The following TMEM178B variants were observed in gnomAD, a reference collection of about 807,000 sequenced individuals.
TMEM178B encodes the protein transmembrane protein 178B.
A neutral mutation model predicts 31.0 loss-of-function variants in TMEM178B; 5 were observed. The ratio of observed to expected loss-of-function variants is 0.16; its 90% confidence interval spans 0.08 to 0.34. TMEM178B has a LOEUF of 0.34. TMEM178B is among the 10% of genes least tolerant of loss of function. The pLI is 1.00. For synonymous variants in TMEM178B, 164 were observed against 164.0 expected (o/e 1.00, Z 0.00); for missense variants, 275 against 400.3 (o/e 0.69, Z 2.67).
At chr7:141,176,915 A>AT (rs962092054) in intron 1 of TMEM178B, among the ~76,000 whole-genome samples, 4 of 151,904 alleles carry the variant, frequency 2.6e-5, no homozygotes, top group South Asian at 4.2e-4. Context: ...GGATTCATTG[A>AT]TTTTTTTGAA....
At chr7:141,226,037 C>T (rs375261799) in intron 2 of TMEM178B, among the ~76,000 whole-genome samples, 37 of 152,256 alleles carry the variant, frequency 2.4e-4, no homozygotes, top group African/African-American at 8.2e-4. Context: ...TCCGAAACCA[C>T]GAGGCTGCTA....
At chr7:141,230,109 C>G (rs954103645) in intron 2 of TMEM178B, among the ~76,000 whole-genome samples, 1 of 152,094 alleles carries the variant, frequency 6.6e-6, no homozygotes, top group African/African-American at 2.4e-5. Flanking sequence ...AACCTTTCTT[C>G]TAAAGTTAAA....
At chr7:141,446,432 A>C (rs1801759629) in intron 3 of TMEM178B, among the ~76,000 whole-genome samples, 1 of 152,222 alleles carries the variant, frequency 6.6e-6, no homozygotes, top group Non-Finnish European at 1.5e-5. Context: ...GGCTTTCTGG[A>C]TGGAAATGCT....
intron 1 of TMEM178B, among the ~76,000 whole-genome samples, chr7:141,163,041 G>A (rs144608055): frequency 1.7e-4 from 26 of 152,326 alleles, no homozygotes; most frequent in Non-Finnish European, 3.2e-4. Flanking sequence ...CAAAGCCTCC[G>A]TGGCTTACAA....
At chr7:141,268,835 C>T (rs1328236161) in intron 2 of TMEM178B, among the ~76,000 whole-genome samples, 1 of 152,202 alleles carries the variant, frequency 6.6e-6, no homozygotes, top group Non-Finnish European at 1.5e-5. Flanking sequence ...ATACTCAAGG[C>T]CCTTTGCTTA....
chr7:141,090,824 G>A (rs1794869081), intron 1 of TMEM178B, among the ~76,000 whole-genome samples: 1 of 152,156 alleles, frequency 6.6e-6, no homozygotes, highest in South Asian at 2.1e-4. Context: ...ATGTGAGAGA[G>A]TTTCACTCCT....
intron 2 of TMEM178B, among the ~76,000 whole-genome samples, chr7:141,383,293 T>C (rs1227505569): frequency 6.6e-6 from 1 of 152,026 alleles, no homozygotes; most frequent in East Asian, 1.9e-4. Flanking sequence ...TATGTATACA[T>C]GTGCCATGTT....
intron 2 of TMEM178B, among the ~76,000 whole-genome samples, chr7:141,235,452 C>T (rs1040764427): frequency 6.6e-6 from 1 of 152,150 alleles, no homozygotes; most frequent in East Asian, 1.9e-4. Flanking sequence ...GAATTTATAA[C>T]CGTCAATAAA....
intron 1 of TMEM178B, among the ~76,000 whole-genome samples, chr7:141,205,121 C>T (rs542949753): frequency 6.6e-6 from 1 of 152,230 alleles, no homozygotes; most frequent in South Asian, 2.1e-4. Flanking sequence ...CATGGCACTT[C>T]GACTGATTTC....
intron 1 of TMEM178B, among the ~76,000 whole-genome samples, chr7:141,091,752 G>A (rs1398144791): frequency 2.0e-5 from 3 of 152,178 alleles, no homozygotes; most frequent in Admixed American, 2.0e-4. Context: ...TTTAGAGACG[G>A]AGTCTTGCTC....
chr7:141,388,417 T>A (rs1383049474), intron 2 of TMEM178B, among the ~76,000 whole-genome samples: 1 of 152,240 alleles, frequency 6.6e-6, no homozygotes, highest in African/African-American at 2.4e-5. Context: ...CACTAAAGAT[T>A]GATCTACTTT....
At chr7:141,482,747 A>T (rs528729955), downstream of TMEM178B, among the ~76,000 whole-genome samples, 1 of 152,344 alleles carries the variant, frequency 6.6e-6, no homozygotes, top group African/African-American at 2.4e-5. Context: ...CACATAGGGC[A>T]GGGTTCAGGG....
In TMEM178B at chr7:141,318,561, T is replaced by C. The variant is rs139442680; in HGVS notation, c.496+105857T>C. ...CACTCAATGAGAAATAAAGATGTATTGGAGACTAAAATATTCCTCATCTCT... is the reference window on the plus strand; with the variant it reads ...CACTCAATGAGAAATAAAGATGTATCGGAGACTAAAATATTCCTCATCTCT... On this transcript the variant is annotated intron_variant, in intron 2 of 3. Transcript: ENST00000565468. The surrounding 1 kb of genome is among the most constrained non-coding windows in gnomAD (Gnocchi z 4.1). 5.9e-4 allele frequency among the ~76,000 whole-genome samples: 90 copies of C among 152,324 alleles called. No individual in the cohort carries two copies. The highest frequency in any genetic ancestry group is 1.1e-3 in the Non-Finnish European group (75 of 68,020).
chr7:141,115,833 G>C (rs1214102839), intron 1 of TMEM178B, among the ~76,000 whole-genome samples: 4 of 152,162 alleles, frequency 2.6e-5, no homozygotes, highest in Non-Finnish European at 5.9e-5. Flanking sequence ...AGTTGACTTA[G>C]ATTATTTTTA....
At chr7:141,338,504 CTATT>C (rs1386577850) in intron 2 of TMEM178B, among the ~76,000 whole-genome samples, 1 of 152,154 alleles carries the variant, frequency 6.6e-6, no homozygotes, top group Admixed American at 6.5e-5. Flanking sequence ...TGCCTGCCCT[CTATT>C]TGATATTGGA....
At chr7:141,083,340 A>G (rs559230309) in intron 1 of TMEM178B, among the ~76,000 whole-genome samples, 2 of 152,332 alleles carry the variant, frequency 1.3e-5, no homozygotes, top group South Asian at 2.1e-4. Flanking sequence ...TTTAGATTCT[A>G]TAAACTCCAA....
chr7:141,384,387 AT>A (rs1800391608), intron 2 of TMEM178B, among the ~76,000 whole-genome samples: 1 of 152,158 alleles, frequency 6.6e-6, no homozygotes, highest in Non-Finnish European at 1.5e-5. Context: ...TCTTGAATTA[AT>A]TTTTGTATAA....
chr7:141,219,270 C>T (rs1031184388), intron 2 of TMEM178B, among the ~76,000 whole-genome samples: 13 of 152,088 alleles, frequency 8.5e-5, no homozygotes, highest in African/African-American at 3.1e-4. Flanking sequence ...CCAGTAGGGT[C>T]CCTCCAGCTA....
chr7:141,242,870 C>G (rs1797650845), intron 2 of TMEM178B, among the ~76,000 whole-genome samples: 1 of 152,092 alleles, frequency 6.6e-6, no homozygotes, highest in Non-Finnish European at 1.5e-5. Context: ...ATTCCAGCTG[C>G]TGTCTCTCTG....
Sources: gnomAD v4.1 joint callset for allele counts (sites outside exome capture counted in the v4.1 genomes callset) on GRCh38, gnomAD v4.1.1 for gene constraint, Gnocchi (gnomAD v3.1) non-coding constraint, MANE v1.5 for transcripts, NCBI Gene and HGNC (gene_info 2026-07-23, HGNC 2026-07-21) for gene names.